CNTNAP2: variants seen among roughly 807,000 people sequenced by gnomAD.
CNTNAP2 encodes the protein contactin associated protein 2, also known as contactin-associated protein-like 2.
In CNTNAP2, 98 loss-of-function variants were observed where a neutral mutation model predicts 155.2. The observed-to-expected ratio is 0.63, with a 90% CI of 0.54 to 0.75. The LOEUF (loss-of-function observed/expected upper bound fraction) is 0.75, where lower values mean the gene tolerates loss of function less well. Ranked by LOEUF, CNTNAP2 falls within the 30% of genes least tolerant of loss-of-function variation. The pLI is 0.00. For synonymous variants in CNTNAP2, 651 were observed against 631.2 expected (o/e 1.03, Z -0.47); for missense variants, 1,727 against 1,688.1 (o/e 1.02, Z -0.40).
chr7:147,521,262 A>G (rs372267390), intron 11 of CNTNAP2, among the ~76,000 whole-genome samples: 3 of 152,070 alleles, frequency 2.0e-5, no homozygotes, highest in Non-Finnish European at 2.9e-5. Flanking sequence ...TCCTTCCTCT[A>G]TTGATCATAG....
chr7:146,502,049 T>G (rs1366385743), intron 1 of CNTNAP2, among the ~76,000 whole-genome samples: 4 of 151,864 alleles, frequency 2.6e-5, no homozygotes, highest in African/African-American at 9.7e-5. Flanking sequence ...TACTCCTAAC[T>G]ACATGAAGTG....
chr7:147,721,942 C>T (rs150704283), intron 13 of CNTNAP2, among the ~76,000 whole-genome samples: 2,505 of 152,248 alleles, frequency 0.016, 225 homozygotes, highest in Admixed American at 0.15. Flanking sequence ...TTACTAAACA[C>T]TGGAAATTAT....
chr7:147,556,146 C>T (rs913913843), intron 11 of CNTNAP2, among the ~76,000 whole-genome samples: 5 of 152,034 alleles, frequency 3.3e-5, no homozygotes, highest in African/African-American at 9.7e-5. Flanking sequence ...GCTATGTGGA[C>T]CTTTAAAGTC....
chr7:146,955,724 G>A (rs1489834351), intron 3 of CNTNAP2, among the ~76,000 whole-genome samples: 2 of 152,020 alleles, frequency 1.3e-5, no homozygotes, highest in South Asian at 2.1e-4. Context: ...AGTTGGAAGA[G>A]ATGTATGAAA....
At chr7:147,221,358 A>G (rs183169950) in intron 8 of CNTNAP2, among the ~76,000 whole-genome samples, 2 of 152,324 alleles carry the variant, frequency 1.3e-5, no homozygotes, top group East Asian at 1.9e-4. Flanking sequence ...ACAAGATCCC[A>G]GAAAATGGGG....
At chr7:146,228,924 A>G (rs1799338164) in intron 1 of CNTNAP2, among the ~76,000 whole-genome samples, 1 of 152,158 alleles carries the variant, frequency 6.6e-6, no homozygotes, top group African/African-American at 2.4e-5. Context: ...CTCTCTTCTG[A>G]TTGGCTCAGA....
chr7:148,137,716 G>A (rs1804988151), intron 16 of CNTNAP2, among the ~76,000 whole-genome samples: 1 of 147,384 alleles, frequency 6.8e-6, no homozygotes, highest in Non-Finnish European at 1.5e-5. Context: ...AAGGAAGGAA[G>A]GAAGGAAGGA....
intron 20 of CNTNAP2, among the ~76,000 whole-genome samples, chr7:148,239,381 G>T (rs1261202663): frequency 6.6e-6 from 1 of 152,192 alleles, no homozygotes; most frequent in East Asian, 1.9e-4. Flanking sequence ...TGAGTCTATT[G>T]AACTGATATA....
intron 4 of CNTNAP2, among the ~76,000 whole-genome samples, chr7:147,094,832 A>C (rs1015760067): frequency 3.3e-5 from 5 of 152,072 alleles, no homozygotes; most frequent in Non-Finnish European, 7.4e-5. Context: ...GGCCTGCTAT[A>C]ACAGAATAAT....
At chr7:146,866,063 CATA>C (rs962191423) in intron 3 of CNTNAP2, among the ~76,000 whole-genome samples, 3 of 152,192 alleles carry the variant, frequency 2.0e-5, no homozygotes, top group Middle Eastern at 3.4e-3. Flanking sequence ...GCCATCCAAA[CATA>C]ATAACAAAAT....
chr7:147,717,677 T>A (rs1459677222), intron 13 of CNTNAP2, among the ~76,000 whole-genome samples: 1 of 152,098 alleles, frequency 6.6e-6, no homozygotes, highest in Non-Finnish European at 1.5e-5. Context: ...AATGTTAAAA[T>A]ATACTTTCAT....
At chr7:148,223,701 T>C (rs1795791719) in intron 19 of CNTNAP2, among the ~76,000 whole-genome samples, 2 of 152,240 alleles carry the variant, frequency 1.3e-5, no homozygotes, top group Non-Finnish European at 2.9e-5. Flanking sequence ...AGTCACTATA[T>C]ATAAATTTAA....
intron 1 of CNTNAP2, among the ~76,000 whole-genome samples, chr7:146,761,309 G>T (rs1460916589): frequency 6.7e-6 from 1 of 150,286 alleles, no homozygotes; most frequent in African/African-American, 2.5e-5. Context: ...AAGGAAGGAA[G>T]GAAGGAAGGA....
chr7:146,406,133 G>C (rs58703061), intron 1 of CNTNAP2, among the ~76,000 whole-genome samples: 1,859 of 152,284 alleles, frequency 0.012, 47 homozygotes, highest in African/African-American at 0.043. Context: ...TATGCTAATA[G>C]AAAAATGCTT....
intron 12 of CNTNAP2, among the ~76,000 whole-genome samples, chr7:147,596,553 CT>C (rs1258826636): frequency 1.3e-5 from 2 of 152,118 alleles, no homozygotes; most frequent in African/African-American, 4.8e-5. Flanking sequence ...GGTCTCAAAC[CT>C]TGTGCAGAAT....
intron 13 of CNTNAP2, among the ~76,000 whole-genome samples, chr7:147,881,389 G>T (rs1340372073): frequency 1.3e-5 from 2 of 152,228 alleles, no homozygotes; most frequent in Non-Finnish European, 2.9e-5. Flanking sequence ...CTGAATTCAT[G>T]AAGTCATTTA....
chr7:147,464,593 G>T (rs568604209), intron 10 of CNTNAP2, among the ~76,000 whole-genome samples: 3 of 151,260 alleles, frequency 2.0e-5, no homozygotes, highest in Non-Finnish European at 4.4e-5. Flanking sequence ...TTCTTCATCT[G>T]TAAAATAAAG....
chr7:147,494,468 C>CAAAAAAA (rs10562874), intron 11 of CNTNAP2, among the ~76,000 whole-genome samples: 11,389 of 115,516 alleles, frequency 0.099, 871 homozygotes, highest in East Asian at 0.24. Flanking sequence ...TGAGTCTTGG[C>CAAAAAAA]AAAAAAAAAA....
At chr7:146,644,468 C>T (rs928373662) in intron 1 of CNTNAP2, among the ~76,000 whole-genome samples, 4 of 152,108 alleles carry the variant, frequency 2.6e-5, no homozygotes, top group Non-Finnish European at 4.4e-5. Context: ...TATTGATTTG[C>T]GTATGTTGAA....
Sources: allele counts gnomAD v4.1 joint callset (sites outside exome capture counted in the v4.1 genomes callset), GRCh38; gene constraint gnomAD v4.1.1; transcripts MANE v1.5; gene names NCBI Gene and HGNC (gene_info 2026-07-23, HGNC 2026-07-21).